Variants in PRKCH observed in about 807,000 individuals in gnomAD.
PRKCH encodes protein kinase C eta type.
A neutral mutation model predicts 82.5 loss-of-function variants in PRKCH; 28 were observed. The ratio of observed to expected loss-of-function variants is 0.34; its 90% CI spans 0.25 to 0.47. The LOEUF (loss-of-function observed/expected upper bound fraction) is 0.47. Ranked by LOEUF, PRKCH falls within the 20% of genes least tolerant of loss-of-function variation. The pLI, the probability that PRKCH is intolerant of heterozygous loss-of-function variation, is 1.00. For missense variants in PRKCH, 705 were observed against 881.8 expected (o/e 0.80, Z 2.54); for synonymous variants, 322 against 327.4 (o/e 0.98, Z 0.18).
chr14:61,252,972 C>A (rs1437724700), intron 1 of PRKCH, among the ~76,000 whole-genome samples: 1 of 152,164 alleles, frequency 6.6e-6, no homozygotes, highest in Non-Finnish European at 1.5e-5. Flanking sequence ...GAGACCTCTG[C>A]TGGATGAATG....
chr14:61,290,187 A>G (rs902303675), intron 1 of PRKCH, among the ~76,000 whole-genome samples: 10 of 151,784 alleles, frequency 6.6e-5, no homozygotes, highest in African/African-American at 2.2e-4. Flanking sequence ...AGCTACTCGG[A>G]AGGCTGAGGC....
chr14:61,450,915 G>A lies in PRKCH; in HGVS notation c.776G>A (p.Cys259Tyr). The change falls in exon 6 of 14, where the codon TGC (cysteine) becomes TAC (tyrosine). Residue 259 changes from cysteine (C) to tyrosine (Y), a missense_variant. By Grantham distance (194) the Cys-to-Tyr change is radical. Around this residue, in one of 5 missense-constraint regions of PRKCH, gnomAD observed 15 missense variants for 40.7 expected, o/e 0.37. Coordinates refer to ENST00000332981, the MANE Select transcript of PRKCH (RefSeq NM_006255.5). ...SIHNYKVPTFCDHCGSLLWGI... is the reference protein window; with the variant it reads ...SIHNYKVPTFYDHCGSLLWGI... ...CACAACTACAAAGTGCCAACATTCT[G>A]CGATCACTGTGGCTCACTGCTCTGG... 1 of 1,614,150 alleles carries A rather than the reference G, an allele frequency of 6.2e-7. No individual in the cohort carries two copies. The highest frequency in any genetic ancestry group is 8.5e-7 in the Non-Finnish European group (1 of 1,180,008).
intron 8 of PRKCH, 66 bp from the exon 9 acceptor site, chr14:61,457,440 T>G (rs960032354): frequency 2.3e-5 from 37 of 1,593,636 alleles, no homozygotes; most frequent in Non-Finnish European, 3.2e-5. Context: ...TTCTTCCTGT[T>G]GTGTGCACAC....
chr14:61,339,485 G>A (rs1240018169), intron 1 of PRKCH, among the ~76,000 whole-genome samples: 12 of 150,306 alleles, frequency 8.0e-5, no homozygotes, highest in African/African-American at 1.2e-4. Flanking sequence ...CACCACGCCC[G>A]GCTAATTTTT....
chr14:61,383,051 T>C (rs1031116834), intron 1 of PRKCH, among the ~76,000 whole-genome samples: 1 of 152,196 alleles, frequency 6.6e-6, no homozygotes. Context: ...TGCAAAGTGA[T>C]GCCAAGGAAA....
intron 2 of PRKCH, 66 bp downstream of exon 2, chr14:61,391,354 C>CTATCATGGA: frequency 1.5e-6 from 2 of 1,296,810 alleles, no homozygotes. Context: ...GTAGGAATTT[C>CTATCATGGA]TATCATGGAC....
At chr14:61,350,008 A>G (rs1039958757) in intron 1 of PRKCH, among the ~76,000 whole-genome samples, 1 of 152,236 alleles carries the variant, frequency 6.6e-6, no homozygotes, top group African/African-American at 2.4e-5. Flanking sequence ...ATATAGGTGA[A>G]TGAGGCAGCC....
intron 12 of PRKCH, among the ~76,000 whole-genome samples, chr14:61,537,120 A>T (rs2043120835): frequency 6.6e-6 from 1 of 152,226 alleles, no homozygotes; most frequent in African/African-American, 2.4e-5. Flanking sequence ...AAATAGGCAC[A>T]CTGGGAAGAC....
intron 11 of PRKCH, among the ~76,000 whole-genome samples, chr14:61,529,435 G>T (rs1401616408): frequency 6.6e-6 from 1 of 151,980 alleles, no homozygotes; most frequent in Non-Finnish European, 1.5e-5. Context: ...AAATCATGCT[G>T]CTATAAAGAC....
At position 61,383,330 on chromosome 14, in the gene PRKCH, T is replaced by C. The variant is rs568622413; in HGVS notation, c.364-7895T>C. Among the ~76,000 whole-genome samples, 297 of 152,258 alleles carry C rather than the reference T, an allele frequency of 2.0e-3. 2 individuals carry two copies. The highest frequency in any genetic ancestry group is 1.7e-3 in the Non-Finnish European group (115 of 68,024). ...AGCTCTTAGATCAACTCAGCAGATA[T>C]GTATTGAGTGTTTACTTGGTTCAAG... On this transcript the variant is annotated intron_variant, in intron 1 of 13. Coordinates refer to ENST00000332981, the MANE Select transcript of PRKCH (RefSeq NM_006255.5).
intron 7 of PRKCH, among the ~76,000 whole-genome samples, chr14:61,453,634 C>T (rs1884624607): frequency 6.9e-6 from 1 of 144,458 alleles, no homozygotes; most frequent in African/African-American, 2.5e-5. Context: ...TTCCTCCCTT[C>T]CCCTTCCCCT....
At chr14:61,338,851 G>A (rs1488327674) in intron 1 of PRKCH, among the ~76,000 whole-genome samples, 1 of 152,006 alleles carries the variant, frequency 6.6e-6, no homozygotes, top group Non-Finnish European at 1.5e-5. Flanking sequence ...TGGTCCTATA[G>A]GACCAAACTT....
intron 13 of PRKCH, 80 bp downstream of exon 13, chr14:61,547,966 A>C: frequency 6.4e-7 from 1 of 1,552,150 alleles, no homozygotes; most frequent in Non-Finnish European, 8.8e-7. Context: ...GAAGAGCTGG[A>C]TGGCCCCTGT....
chr14:61,247,266 CTT>C (rs1016601088), intron 1 of PRKCH, among the ~76,000 whole-genome samples: 3 of 146,218 alleles, frequency 2.1e-5, no homozygotes, highest in Non-Finnish European at 1.5e-5. Context: ...GGACATTAGA[CTT>C]TTTTTTTTTT....
intron 10 of PRKCH, among the ~76,000 whole-genome samples, chr14:61,500,399 T>C (rs1428041975): frequency 6.6e-6 from 1 of 152,048 alleles, no homozygotes; most frequent in East Asian, 1.9e-4. Context: ...GGTCTCGCTA[T>C]GTTGCCCAGG....
chr14:61,225,747 T>C (rs943031015), intron 1 of PRKCH, among the ~76,000 whole-genome samples: 2 of 151,898 alleles, frequency 1.3e-5, no homozygotes, highest in South Asian at 2.1e-4. Flanking sequence ...TATACTTTTT[T>C]TTTTTTTAAC....
intron 1 of PRKCH, among the ~76,000 whole-genome samples, chr14:61,202,208 G>T (rs554461786): frequency 1.3e-5 from 2 of 152,182 alleles, no homozygotes; most frequent in Non-Finnish European, 2.9e-5. Context: ...CTATCTGAAT[G>T]CTATTACACG....
intron 1 of PRKCH, among the ~76,000 whole-genome samples, chr14:61,220,567 A>G (rs1252873983): frequency 6.6e-6 from 1 of 152,254 alleles, no homozygotes; most frequent in Non-Finnish European, 1.5e-5. Context: ...ACCAAGAATC[A>G]TGGCACTGGA....
chr14:61,324,483 G>A (rs1594912853), intron 1 of PRKCH, among the ~76,000 whole-genome samples: 1 of 152,066 alleles, frequency 6.6e-6, no homozygotes, highest in African/African-American at 2.4e-5. Flanking sequence ...AAGGTTTTGG[G>A]TATTTCAGAA....
Sources: gnomAD v4.1 joint callset for allele counts (sites outside exome capture counted in the v4.1 genomes callset) on GRCh38, gnomAD v4.1.1 for gene constraint, gnomAD v4.1.1 regional missense constraint, MANE v1.5 for transcripts, NCBI Gene and HGNC (gene_info 2026-07-23, HGNC 2026-07-21) for gene names.